The following COBLL1 variants were observed in gnomAD, a reference collection of about 807,000 sequenced individuals.
COBLL1 encodes cordon-bleu WH2 repeat protein like 1.
A neutral mutation model predicts 94.8 loss-of-function variants in COBLL1; 50 were observed. That is an observed-to-expected ratio of 0.53 (90% CI 0.42 to 0.67). The LOEUF (loss-of-function observed/expected upper bound fraction) is 0.67. Among genes scored for constraint, COBLL1 ranks in the 30% least tolerant of loss-of-function variants. COBLL1 has a pLI of 0.00. For missense variants in COBLL1, 1,362 were observed against 1,348.7 expected (o/e 1.01, Z -0.15); for synonymous variants, 448 against 473.8 (o/e 0.95, Z 0.71).
downstream of COBLL1, among the ~76,000 whole-genome samples, chr2:164,678,627 TAA>T (rs1407571634): frequency 6.6e-6 from 1 of 152,016 alleles, no homozygotes; most frequent in African/African-American, 2.4e-5. Context: ...AAATTTTCAT[TAA>T]GACAATTTAA....
rs1178569463 is a variant in COBLL1, at chr2:164,694,640, G to C, written c.2752C>G (p.Pro918Ala). The C allele has an allele frequency of 5.6e-6, 9 of 1,613,840 alleles. No individual in the cohort carries two copies. Among genetic ancestry groups the C allele is most frequent in the East Asian group, 2.2e-5 (1 of 44,862 alleles). ...MLPSPEQTLS[P>A]LSKMPHSVPQ... ...ACAGAGTGAGGCATTTTACTTAAGG[G>C]AGAAAGAGTCTGCTCCGGAGAAGGC... is the stretch of plus-strand genomic sequence containing the variant. The change falls in exon 12 of 14, where the codon CCC (proline) becomes GCC (alanine). Residue 918 changes from proline (P) to alanine (A), a missense_variant. Coordinates refer to ENST00000652658, the MANE Select transcript of COBLL1 (RefSeq NM_001365672.2).
upstream of COBLL1, chr2:164,841,839 C>T (rs1683640710): frequency 1.4e-6 from 1 of 702,880 alleles, no homozygotes; most frequent in Admixed American, 3.0e-5. This position sits in a 1 kb window ranked among gnomAD's most constrained non-coding sequence, Gnocchi z 5.5. Context: ...AGCGGCAACC[C>T]CTGCGAGGCT....
chr2:164,773,537 T>C (rs1274970656), intron 2 of COBLL1, among the ~76,000 whole-genome samples: 1 of 152,094 alleles, frequency 6.6e-6, no homozygotes, highest in African/African-American at 2.4e-5. Context: ...TCAAAAAACA[T>C]AACTACTTCA....
chr2:164,705,018 G>C lies in COBLL1; in HGVS notation c.1084C>G (p.Arg362Gly). ...AGNSSLRRTK[R>G]KAPSPPSKIP... is the part of the protein sequence containing the mutation. Reference sequence around the variant, plus strand: ...TTGGAGGGTGGGGAAGGTGCTTTTCGCTTTGTCCTTCTCAAAGATGAATTC... The same window carrying C: ...TTGGAGGGTGGGGAAGGTGCTTTTCCCTTTGTCCTTCTCAAAGATGAATTC... The change falls in exon 8 of 14, where the codon CGA becomes GGA. Residue 362 changes from arginine to glycine, a missense_variant. By Grantham distance (125) the Arg-to-Gly change is moderately radical. Transcript: ENST00000652658. 6.2e-7 allele frequency: 1 copy of C among 1,604,700 alleles called. No individual in the cohort carries two copies.
chr2:164,743,322 A>G (rs1335591951), intron 3 of COBLL1: 2 of 166,580 alleles, frequency 1.2e-5, no homozygotes, highest in Non-Finnish European at 2.6e-5. Context: ...GAAGAAAAGG[A>G]TAGGATTTTC....
chr2:164,785,061 A>G (rs995349259), intron 2 of COBLL1, among the ~76,000 whole-genome samples: 7 of 152,128 alleles, frequency 4.6e-5, no homozygotes, highest in African/African-American at 7.2e-5. Context: ...CCATGTGAGG[A>G]TGAAGCAAGA....
At chr2:164,776,109 G>A (rs377277335) in intron 2 of COBLL1, among the ~76,000 whole-genome samples, 67 of 145,798 alleles carry the variant, frequency 4.6e-4, no homozygotes, top group East Asian at 3.7e-3. Context: ...TTCAACCCCC[G>A]GTCCTTTCCC....
intron 3 of COBLL1, among the ~76,000 whole-genome samples, chr2:164,737,015 G>A (rs62173940): frequency 0.1 from 15,809 of 152,014 alleles, 1,136 homozygotes; most frequent in Non-Finnish European, 0.15. Flanking sequence ...ACTAAAATTA[G>A]TGCTGAGCAC....
At chr2:164,703,430 G>A (rs979097668) in intron 9 of COBLL1, among the ~76,000 whole-genome samples, 4 of 152,164 alleles carry the variant, frequency 2.6e-5, no homozygotes, top group Admixed American at 6.5e-5. Context: ...TAATATTTCA[G>A]TGACTTCTAA....
intron 1 of COBLL1, among the ~76,000 whole-genome samples, chr2:164,673,357 T>C (rs984432477): frequency 4.6e-5 from 7 of 152,076 alleles, no homozygotes; most frequent in Non-Finnish European, 8.8e-5. Flanking sequence ...GGTGAATGTT[T>C]TTAAGCTCGA....
chr2:164,746,139 A>G (rs1352528745), intron 2 of COBLL1, among the ~76,000 whole-genome samples: 2 of 152,278 alleles, frequency 1.3e-5, no homozygotes, highest in East Asian at 3.9e-4. Context: ...CATCTAATCC[A>G]TCTACAAATT....
At chr2:164,671,471 T>A (rs974947682) in intron 1 of COBLL1, among the ~76,000 whole-genome samples, 2 of 152,170 alleles carry the variant, frequency 1.3e-5, no homozygotes, top group Admixed American at 6.5e-5. Flanking sequence ...TAATATTACT[T>A]CAACTAGAAC....
At chr2:164,792,618 A>G (rs1260125408) in intron 2 of COBLL1, among the ~76,000 whole-genome samples, 1 of 152,196 alleles carries the variant, frequency 6.6e-6, no homozygotes, top group Non-Finnish European at 1.5e-5. Flanking sequence ...CAACTTTCAA[A>G]TTGAGTAGTA....
intron 3 of COBLL1, among the ~76,000 whole-genome samples, chr2:164,738,951 TACAC>T (rs1352956000): frequency 2.0e-5 from 3 of 152,256 alleles, no homozygotes; most frequent in South Asian, 4.1e-4. Context: ...CACATAGACA[TACAC>T]ACACATACAT....
At chr2:164,779,307 C>T (rs1008176161) in intron 2 of COBLL1, among the ~76,000 whole-genome samples, 1 of 152,072 alleles carries the variant, frequency 6.6e-6, no homozygotes, top group Non-Finnish European at 1.5e-5. Context: ...GGCAAAGTCA[C>T]CATCTTTGCC....
At chr2:164,800,051 T>C (rs989135519) in intron 2 of COBLL1, among the ~76,000 whole-genome samples, 1 of 152,170 alleles carries the variant, frequency 6.6e-6, no homozygotes, top group Non-Finnish European at 1.5e-5. Context: ...CACCAAAGCA[T>C]AGTACATTTT....
rs544659179 is a variant in COBLL1 at position 164,835,213 on chromosome 2, C to T, written c.41+5943G>A. Among the ~76,000 whole-genome samples, 25 of 152,280 alleles carry T rather than the reference C, an allele frequency of 1.6e-4. 1 individual carries two copies. Among genetic ancestry groups the T allele is most frequent in the Admixed American group, 1.5e-3 (23 of 15,302 alleles). The stretch of plus-strand genomic sequence containing the variant: ...GTAGGGTCTTCAAGAGGTATTTGTA[C>T]ACCCATGTTCATAGCAACAGCACTA... On this transcript the variant is annotated intron_variant, in intron 2 of 13. Transcript: ENST00000652658.
intron 2 of COBLL1, among the ~76,000 whole-genome samples, chr2:164,763,941 G>C (rs1687814379): frequency 6.6e-6 from 1 of 152,162 alleles, no homozygotes; most frequent in Non-Finnish European, 1.5e-5. Context: ...CTATCATCCA[G>C]GCTGGAGTGC....
At chr2:164,710,623 G>C (rs564974457) in intron 7 of COBLL1, among the ~76,000 whole-genome samples, 1 of 150,430 alleles carries the variant, frequency 6.6e-6, no homozygotes, top group African/African-American at 2.4e-5. Flanking sequence ...GGAGTACAGT[G>C]GTGCGATCTC....
Sources: allele counts gnomAD v4.1 joint callset (sites outside exome capture counted in the v4.1 genomes callset), GRCh38; gene constraint gnomAD v4.1.1; non-coding constraint Gnocchi (gnomAD v3.1); transcripts MANE v1.5; gene names NCBI Gene and HGNC (gene_info 2026-07-23, HGNC 2026-07-21).